SPHK1: variants seen among roughly 807,000 people sequenced by gnomAD.
The protein encoded by SPHK1 is sphingosine kinase 1, also known as SK 1.
In SPHK1, 10 loss-of-function variants were observed where a neutral mutation model predicts 14.6. The ratio of observed to expected loss-of-function variants is 0.68; its 90% CI spans 0.42 to 1.16. The LOEUF (loss-of-function observed/expected upper bound fraction) is 1.16. SPHK1 is among the 50% of genes most tolerant of loss of function. The pLI, the probability that SPHK1 is intolerant of heterozygous loss-of-function variation, is 0.00. For synonymous variants in SPHK1, 274 were observed against 224.0 expected (o/e 1.22, Z -1.99); for missense variants, 553 against 525.4 (o/e 1.05, Z -0.51).
At position 76,387,538 on chromosome 17, in the gene SPHK1, G is replaced by T. The variant is rs750910095; in HGVS notation, c.1107G>T (p.Pro369=). The T allele has an allele frequency of 6.2e-7, 1 of 1,607,946 alleles. No homozygotes were observed. The highest frequency in any genetic ancestry group is 1.1e-5 in the South Asian group (1 of 90,802). The change falls in exon 6 of 6, where the codon CCG becomes CCT. Residue 369 remains proline, a synonymous_variant. Coordinates refer to ENST00000592299, the MANE Select transcript of SPHK1 (RefSeq NM_001142601.2). This position sits in a 1 kb window ranked among gnomAD's most constrained non-coding sequence, Gnocchi z 4.1. ...TGGTCAGCGGTTGCGTGGAGCCCCC[G>T]CCCAGCTGGAAGCCCCAGCAGATGC... ...FWMVSGCVEP[P]PSWKPQQMPP...
rs1273474623 is a variant in SPHK1, at chr17:76,385,927, A to G, written c.11-58A>G. 33 of 1,543,498 alleles carry G rather than the reference A, an allele frequency of 2.1e-5. No homozygotes were observed. The highest frequency in any genetic ancestry group is 2.9e-5 in the Non-Finnish European group (33 of 1,141,782). On this transcript the variant is annotated intron_variant, in intron 2 of 5. Coordinates refer to ENST00000592299, the MANE Select transcript of SPHK1 (RefSeq NM_001142601.2). The surrounding 1 kb of genome is among the most constrained non-coding windows in gnomAD (Gnocchi z 5.3). Reference sequence around the variant, plus strand: ...GTTCCCACACTAGTGCCCCATTGTTACCCGTGGCCCCCTAGTGGTCGGTTG... The same window carrying G: ...GTTCCCACACTAGTGCCCCATTGTTGCCCGTGGCCCCCTAGTGGTCGGTTG...
rs1160098897 is a variant in SPHK1, at chr17:76,386,752, C to G, written c.375-54C>G. 6.7e-7 allele frequency: 1 copy of G among 1,501,680 alleles called. No homozygotes were observed. The highest frequency in any genetic ancestry group is 8.9e-7 in the Non-Finnish European group (1 of 1,123,654). The allele number at this position is 1,501,680 out of a possible 1,614,324, so 93.0% of individuals were successfully genotyped here. ...GCTCCCACTCCCCGGGAGGAGGAAG[C>G]GGGGGATACATGGGGGCTCCTGTCC... On this transcript the variant is annotated intron_variant, in intron 5 of 5. Coordinates refer to ENST00000592299, the MANE Select transcript of SPHK1 (RefSeq NM_001142601.2). The surrounding 1 kb of genome is among the most constrained non-coding windows in gnomAD (Gnocchi z 5.3).
At chr17:76,383,459 G>A (rs2071901029), upstream of SPHK1, 1 of 183,008 alleles carries the variant, frequency 5.5e-6, no homozygotes. Context: ...AGTTCAGGGC[G>A]CCGCCCGGCT....
rs1226835841 is a variant in SPHK1 at position 76,387,584 on chromosome 17, T to G, written c.1153T>G (p.Ter385GlyextTer8). 6 of 1,587,302 alleles carry G rather than the reference T, an allele frequency of 3.8e-6. No individual in the cohort carries two copies. Among genetic ancestry groups the G allele is most frequent in the African/African-American group, 1.3e-5 (1 of 74,792 alleles). The change falls in exon 6 of 6, where the codon TGA (stop) becomes GGA (glycine). Residue 385 changes from the stop codon to glycine (G), a stop_lost. Transcript: ENST00000592299. The surrounding 1 kb of genome is among the most constrained non-coding windows in gnomAD (Gnocchi z 4.1). ...GATGCCACCGCCAGAAGAGCCCTTATGACCCCTGGGCCGCGCTGTGCCTTA... is the reference window on the plus strand; with the variant it reads ...GATGCCACCGCCAGAAGAGCCCTTAGGACCCCTGGGCCGCGCTGTGCCTTA... ...QQMPPPEEPL* is the reference protein window; with the variant it reads ...QQMPPPEEPLG
At position 76,386,000 on chromosome 17, in the gene SPHK1, G is replaced by A; in HGVS notation, c.26G>A (p.Gly9Asp). 6.2e-7 allele frequency: 1 copy of A among 1,601,384 alleles called. No homozygotes were observed. Among genetic ancestry groups the A allele is most frequent in the Non-Finnish European group, 8.5e-7 (1 of 1,173,278 alleles). The change falls in exon 3 of 6, where the codon GGC becomes GAC. Residue 9 changes from glycine to aspartate, a missense_variant. Coordinates refer to ENST00000592299, the MANE Select transcript of SPHK1 (RefSeq NM_001142601.2). This position sits in a 1 kb window ranked among gnomAD's most constrained non-coding sequence, Gnocchi z 5.3. ...GTTTTCTCAGCGGGCGGCCCCCGGG[G>A]CGTGCTCCCGCGGCCCTGCCGCGTG... MDPAGGPRGVLPRPCRVLV... is the reference protein window; with the variant it reads MDPAGGPRDVLPRPCRVLV...
In SPHK1 at chr17:76,387,336, T is replaced by C; in HGVS notation, c.905T>C (p.Leu302Pro). The C allele has an allele frequency of 6.2e-7, 1 of 1,613,784 alleles. No individual in the cohort carries two copies. The highest frequency in any genetic ancestry group is 8.5e-7 in the Non-Finnish European group (1 of 1,180,004). Residue 302 changes from leucine to proline, a missense_variant, in exon 6 of 6, where the codon CTC (leucine) becomes CCC (proline). By Grantham distance (98) the Leu-to-Pro change is moderately conservative. Transcript: ENST00000592299. This position sits in a 1 kb window ranked among gnomAD's most constrained non-coding sequence, Gnocchi z 4.1. The stretch of plus-strand genomic sequence containing the variant: ...GTGTCTCGTGCCATGCTGCTGCGCC[T>C]CTTCCTGGCCATGGAGAAGGGCAGG... ...AGVSRAMLLR[L>P]FLAMEKGRHM...
chr17:76,384,361 G>A (rs1362131979), upstream of SPHK1: 2 of 150,934 alleles, frequency 1.3e-5, no homozygotes, highest in African/African-American at 4.8e-5. Context: ...CGCGCCTCGC[G>A]GCCTGCCGCC....
Position 76,387,612 on chromosome 17 carries a change from G to A in SPHK1, c.*26G>A, listed in dbSNP as rs777176888. ...CCCCTGGGCCGCGCTGTGCCTTAGT[G>A]TCTACTTGCAGGACCCTTCCTCCTT... is the stretch of plus-strand genomic sequence containing the variant. On this transcript the variant is annotated 3_prime_UTR_variant, in exon 6 of 6. Coordinates refer to ENST00000592299, the MANE Select transcript of SPHK1 (RefSeq NM_001142601.2). The surrounding 1 kb of genome is among the most constrained non-coding windows in gnomAD (Gnocchi z 4.1). The A allele has an allele frequency of 1.9e-6, 3 of 1,545,626 alleles. No individual in the cohort carries two copies. Among genetic ancestry groups the A allele is most frequent in the East Asian group, 4.5e-5 (2 of 44,266 alleles).
chr17:76,386,766 G>T lies in SPHK1; in HGVS notation c.375-40G>T. The T allele has an allele frequency of 6.6e-7, 1 of 1,515,530 alleles. No individual in the cohort carries two copies. Among genetic ancestry groups the T allele is most frequent in the Non-Finnish European group, 8.8e-7 (1 of 1,133,532 alleles). The allele number at this position is 1,515,530 out of a possible 1,614,324, so 93.9% of individuals were successfully genotyped here. Reference sequence around the variant, plus strand: ...GGAGGAGGAAGCGGGGGATACATGGGGGCTCCTGTCCTGCCTTATCTGACT... The same window carrying T: ...GGAGGAGGAAGCGGGGGATACATGGTGGCTCCTGTCCTGCCTTATCTGACT... On this transcript the variant is annotated intron_variant, in intron 5 of 5. Coordinates refer to ENST00000592299, the MANE Select transcript of SPHK1 (RefSeq NM_001142601.2). The surrounding 1 kb of genome is among the most constrained non-coding windows in gnomAD (Gnocchi z 5.3).
chr17:76,385,944 G>A lies in SPHK1; in HGVS notation c.11-41G>A, dbSNP rs1372378823. 2 of 1,567,382 alleles carry A rather than the reference G, an allele frequency of 1.3e-6. No individual in the cohort carries two copies. Among genetic ancestry groups the A allele is most frequent in the Non-Finnish European group, 1.7e-6 (2 of 1,154,212 alleles). On this transcript the variant is annotated intron_variant, in intron 2 of 5. Transcript: ENST00000592299. This position sits in a 1 kb window ranked among gnomAD's most constrained non-coding sequence, Gnocchi z 5.3. ...CCATTGTTACCCGTGGCCCCCTAGT[G>A]GTCGGTTGCGGACGTGGCCTCTTTG...
rs368428286 is a variant in SPHK1, at chr17:76,385,153, C to G, written c.-194-298C>G. 2.1e-5 allele frequency: 34 copies of G among 1,594,990 alleles called. No individual in the cohort carries two copies. The highest frequency in any genetic ancestry group is 2.6e-5 in the Non-Finnish European group (31 of 1,172,258). On this transcript the variant is annotated intron_variant, in intron 1 of 5. Coordinates refer to ENST00000592299, the MANE Select transcript of SPHK1 (RefSeq NM_001142601.2). The surrounding 1 kb of genome is among the most constrained non-coding windows in gnomAD (Gnocchi z 5.3). ...TTTTACGCAGCTGGACTCCCCTCCC[C>G]CTGGCAGCCCCGAGGGGTGAGGAGC...
upstream of SPHK1, chr17:76,383,910 T>C: frequency 8.3e-7 from 1 of 1,199,692 alleles, no homozygotes; most frequent in South Asian, 1.4e-5. Flanking sequence ...AAGCCTCCTC[T>C]CCGGCTCGGA....
In SPHK1 at chr17:76,385,989, C is replaced by T; in HGVS notation, c.15C>T (p.Gly5=). 1.3e-6 allele frequency: 2 copies of T among 1,595,602 alleles called. No homozygotes were observed. Among genetic ancestry groups the T allele is most frequent in the South Asian group, 1.1e-5 (1 of 89,894 alleles). Residue 5 remains glycine, a synonymous_variant, in exon 3 of 6, where the codon GGC becomes GGT. Transcript: ENST00000592299. The surrounding 1 kb of genome is among the most constrained non-coding windows in gnomAD (Gnocchi z 5.3). The stretch of plus-strand genomic sequence containing the variant: ...TCTTTGGTTTTGTTTTCTCAGCGGG[C>T]GGCCCCCGGGGCGTGCTCCCGCGGC... MDPA[G]GPRGVLPRPC...
In SPHK1 at chr17:76,385,331, A is replaced by G; in HGVS notation, c.-194-120A>G. The G allele has an allele frequency of 1.4e-6, 2 of 1,452,786 alleles. No homozygotes were observed. The highest frequency in any genetic ancestry group is 1.8e-6 in the Non-Finnish European group (2 of 1,103,996). 90.0% of individuals were successfully genotyped at this position (1,452,786 alleles called of 1,614,324 possible). A position where few individuals can be genotyped will look rare whatever the true frequency, so the allele number is the denominator to read the frequency against. Reference sequence around the variant, plus strand: ...GGCGCCCTCGGAGGCACCGGACCTCAGCTCTCTGGACTTCCCGGGAACCTG... The same window carrying G: ...GGCGCCCTCGGAGGCACCGGACCTCGGCTCTCTGGACTTCCCGGGAACCTG... On this transcript the variant is annotated intron_variant, in intron 1 of 5. Transcript: ENST00000592299. This position sits in a 1 kb window ranked among gnomAD's most constrained non-coding sequence, Gnocchi z 5.3.
At position 76,386,838 on chromosome 17, in the gene SPHK1, C is replaced by T. The variant is rs1235349164; in HGVS notation, c.407C>T (p.Thr136Ile). ...YEQVTNEDLL[T>I]NCTLLLCRRL... ...CAGGTCACCAATGAAGACCTCCTGA[C>T]CAACTGCACGCTATTGCTGTGCCGC... Residue 136 changes from threonine to isoleucine, a missense_variant, in exon 6 of 6, where the codon ACC (threonine) becomes ATC (isoleucine). Thr to Ile is a moderately conservative substitution (Grantham distance 89, BLOSUM62 -1). Coordinates refer to ENST00000592299, the MANE Select transcript of SPHK1 (RefSeq NM_001142601.2). The surrounding 1 kb of genome is among the most constrained non-coding windows in gnomAD (Gnocchi z 5.3). 3 of 1,573,536 alleles carry T rather than the reference C, an allele frequency of 1.9e-6. No homozygotes were observed. The highest frequency in any genetic ancestry group is 2.6e-6 in the Non-Finnish European group (3 of 1,157,482).
chr17:76,383,862 C>T, upstream of SPHK1: 1 of 1,280,498 alleles, frequency 7.8e-7, no homozygotes, highest in Non-Finnish European at 1.0e-6. Flanking sequence ...CTTGGCTTTC[C>T]AATCCCGACG....
At position 76,387,306 on chromosome 17, in the gene SPHK1, C is replaced by T. The variant is rs773839692; in HGVS notation, c.875C>T (p.Ala292Val). The T allele has an allele frequency of 1.2e-5, 19 of 1,613,378 alleles. No individual in the cohort carries two copies. Among genetic ancestry groups the T allele is most frequent in the South Asian group, 3.3e-5 (3 of 91,066 alleles). The change falls in exon 6 of 6, where the codon GCG (alanine) becomes GTG (valine). Residue 292 changes from alanine to valine, a missense_variant. Physicochemically the swap from Ala to Val is moderately conservative, Grantham distance 64. Coordinates refer to ENST00000592299, the MANE Select transcript of SPHK1 (RefSeq NM_001142601.2). This position sits in a 1 kb window ranked among gnomAD's most constrained non-coding sequence, Gnocchi z 4.1. The part of the protein sequence containing the change: ...AGVMHLFYVR[A>V]GVSRAMLLRL... ...GTCATGCATCTGTTCTACGTGCGGG[C>T]GGGAGTGTCTCGTGCCATGCTGCTG...
Position 76,386,203 on chromosome 17 carries a change from C to G in SPHK1, c.164-18C>G, listed in dbSNP as rs375179487. 3.1e-6 allele frequency: 5 copies of G among 1,595,362 alleles called. No homozygotes were observed. Among genetic ancestry groups the G allele is most frequent in the Non-Finnish European group, 4.3e-6 (5 of 1,176,350 alleles). On this transcript the variant is annotated intron_variant, in intron 3 of 5. Coordinates refer to ENST00000592299, the MANE Select transcript of SPHK1 (RefSeq NM_001142601.2). The surrounding 1 kb of genome is among the most constrained non-coding windows in gnomAD (Gnocchi z 5.3). ...CAGGGGACCCCCCCAGTCCTGATAG[C>G]TGCCGGTCTCCCTGCAGAGCGGCGG...
Position 76,386,574 on chromosome 17 carries a change from G to C in SPHK1, c.374+66G>C. On this transcript the variant is annotated intron_variant, in intron 5 of 5. Transcript: ENST00000592299. The surrounding 1 kb of genome is among the most constrained non-coding windows in gnomAD (Gnocchi z 5.3). The stretch of plus-strand genomic sequence containing the variant: ...GCTCCTCTACCGCGGGGGTTTTCTT[G>C]TCTAAGCTCCCATAGGCTGAGATCA... 1 of 1,463,492 alleles carries C rather than the reference G, an allele frequency of 6.8e-7. No homozygotes were observed. The highest frequency in any genetic ancestry group is 9.3e-7 in the Non-Finnish European group (1 of 1,070,776). The allele number at this position is 1,463,492 out of a possible 1,614,324, so 90.7% of individuals were successfully genotyped here.
Sources: allele counts gnomAD v4.1 joint callset, GRCh38; gene constraint gnomAD v4.1.1; non-coding constraint Gnocchi (gnomAD v3.1); transcripts MANE v1.5; gene names NCBI Gene and HGNC (gene_info 2026-07-23, HGNC 2026-07-21).